NALF1: variants seen among roughly 807,000 people sequenced by gnomAD.
NALF1 encodes NALCN channel auxiliary factor 1.
NALF1 carries 3 observed loss-of-function variants against 48.4 expected under a neutral mutation model. That is an observed-to-expected ratio of 0.06 (90% CI 0.03 to 0.16). The LOEUF is 0.16. Ranked by LOEUF, NALF1 falls within the 10% of genes least tolerant of loss-of-function variation. NALF1 has a pLI of 1.00. For synonymous variants in NALF1, 262 were observed against 245.7 expected, an observed-to-expected ratio of 1.07 and a Z score of -0.62; for missense variants, 526 against 571.5, an observed-to-expected ratio of 0.92 and a Z score of 0.81.
At position 107,852,587 on chromosome 13, in the gene NALF1, C is replaced by T. The variant is rs531111054; in HGVS notation, c.915+13095G>A. ...TTGCACAAAGTCACTGTGATCATTT[C>T]GAGGAAATGCATGTGGTCTTTTCAG... On this transcript the variant is annotated intron_variant, in intron 1 of 2. Coordinates refer to ENST00000375915, the MANE Select transcript of NALF1 (RefSeq NM_001080396.3). 7.9e-5 allele frequency among the ~76,000 whole-genome samples: 12 copies of T among 152,212 alleles called. No homozygotes were observed. The South Asian group carries it at 2.3e-3, about 29-fold the overall frequency.
chr13:107,618,457 T>C (rs1047271244), intron 1 of NALF1, among the ~76,000 whole-genome samples: 2 of 152,202 alleles, frequency 1.3e-5, no homozygotes, highest in African/African-American at 4.8e-5. Flanking sequence ...AATAGAAGAC[T>C]TATCCTAATT....
At chr13:107,843,591 C>T (rs940848008) in intron 1 of NALF1, among the ~76,000 whole-genome samples, 4 of 152,080 alleles carry the variant, frequency 2.6e-5, no homozygotes, top group African/African-American at 7.2e-5. Context: ...AAGTGCTTCC[C>T]CTGGTAAAAG....
chr13:107,805,006 TTAAA>T (rs1878731736), intron 1 of NALF1, among the ~76,000 whole-genome samples: 1 of 152,130 alleles, frequency 6.6e-6, no homozygotes, highest in African/African-American at 2.4e-5. Flanking sequence ...GCATCATAAT[TTAAA>T]TACCATAAAT....
At chr13:107,644,408 C>T (rs1291414663) in intron 1 of NALF1, among the ~76,000 whole-genome samples, 5 of 149,576 alleles carry the variant, frequency 3.3e-5, no homozygotes, top group Admixed American at 6.7e-5. Context: ...TTTACAGACA[C>T]GGAAACTCAG....
chr13:107,796,280 C>A (rs1878422438), intron 1 of NALF1, among the ~76,000 whole-genome samples: 1 of 152,120 alleles, frequency 6.6e-6, no homozygotes, highest in African/African-American at 2.4e-5. Context: ...TTGTTCACAT[C>A]AAATAACATC....
At chr13:107,182,185 C>G (rs1311580987) in intron 2 of NALF1, among the ~76,000 whole-genome samples, 3 of 151,316 alleles carry the variant, frequency 2.0e-5, no homozygotes, top group Admixed American at 6.6e-5. Flanking sequence ...CTTTTGTTTT[C>G]TGTCATTTGC....
At chr13:107,275,248 T>A (rs955924054) in intron 1 of NALF1, among the ~76,000 whole-genome samples, 1 of 152,152 alleles carries the variant, frequency 6.6e-6, no homozygotes, top group Non-Finnish European at 1.5e-5. Flanking sequence ...GTATCTATAT[T>A]TTTTTATTTT....
At chr13:107,443,720 A>G (rs1884603131) in intron 1 of NALF1, among the ~76,000 whole-genome samples, 1 of 152,182 alleles carries the variant, frequency 6.6e-6, no homozygotes. Context: ...TGATTAAACC[A>G]TGACAGTATG....
In NALF1 at chr13:107,843,247, A is replaced by C. The variant is rs576661956; in HGVS notation, c.915+22435T>G. The stretch of plus-strand genomic sequence containing the variant: ...TCTATACAACAATGCCAAGAGGTAG[A>C]TGCTATTATTGTCATAACAGAATGA... On this transcript the variant is annotated intron_variant, in intron 1 of 2. Transcript: ENST00000375915. 3.9e-5 allele frequency among the ~76,000 whole-genome samples: 6 copies of C among 152,340 alleles called. No homozygotes were observed. The South Asian group carries it at 8.3e-4, about 21-fold the overall frequency.
intron 1 of NALF1, among the ~76,000 whole-genome samples, chr13:107,394,389 C>A (rs1354803441): frequency 1.3e-5 from 2 of 152,134 alleles, no homozygotes; most frequent in Non-Finnish European, 2.9e-5. Flanking sequence ...AAACTCTCTT[C>A]TAAATGTATA....
intron 2 of NALF1, among the ~76,000 whole-genome samples, chr13:107,182,228 G>C (rs1879078659): frequency 1.9e-5 from 2 of 103,404 alleles, no homozygotes; most frequent in South Asian, 6.1e-4. Flanking sequence ...TATTTATGCT[G>C]TGTGTGTGTG....
intron 1 of NALF1, among the ~76,000 whole-genome samples, chr13:107,624,826 G>A (rs1369263882): frequency 1.3e-5 from 2 of 152,164 alleles, no homozygotes; most frequent in African/African-American, 4.8e-5. Context: ...TAATAAAGGA[G>A]GGGGGTGCAG....
intron 1 of NALF1, among the ~76,000 whole-genome samples, chr13:107,798,020 A>C (rs1878485862): frequency 6.6e-6 from 1 of 152,202 alleles, no homozygotes; most frequent in South Asian, 2.1e-4. Context: ...TGGAATAAGC[A>C]GATTGTATTC....
chr13:107,293,122 A>G (rs1350408827), intron 1 of NALF1, among the ~76,000 whole-genome samples: 2 of 150,660 alleles, frequency 1.3e-5, no homozygotes, highest in African/African-American at 4.9e-5. Context: ...CTGGGACTAC[A>G]GGCACCCACC....
chr13:107,263,944 C>T (rs527604143), intron 1 of NALF1, among the ~76,000 whole-genome samples: 1 of 152,278 alleles, frequency 6.6e-6, no homozygotes, highest in East Asian at 1.9e-4. Flanking sequence ...ATAGCTGATG[C>T]CAATCTTTTG....
rs553735011 is a variant in NALF1, at chr13:107,718,456, G to A, written c.915+147226C>T. On this transcript the variant is annotated intron_variant, in intron 1 of 2. Transcript: ENST00000375915. Reference sequence around the variant, plus strand: ...CTACCACACCTATGATTATCCTAGCGAACTGTGTCCTCAGATATTTTTCCT... The same window carrying A: ...CTACCACACCTATGATTATCCTAGCAAACTGTGTCCTCAGATATTTTTCCT... Among the ~76,000 whole-genome samples the A allele has an allele frequency of 9.2e-5, 14 of 152,250 alleles. No homozygotes were observed. The East Asian group carries it at 1.2e-3, about 13-fold the overall frequency.
At chr13:107,764,588 T>C (rs1262329434) in intron 1 of NALF1, among the ~76,000 whole-genome samples, 1 of 152,208 alleles carries the variant, frequency 6.6e-6, no homozygotes, top group African/African-American at 2.4e-5. Flanking sequence ...GAATACTGAA[T>C]ATATCTGACT....
intron 1 of NALF1, among the ~76,000 whole-genome samples, chr13:107,352,896 A>T (rs1296413910): frequency 6.6e-6 from 1 of 152,170 alleles, no homozygotes; most frequent in African/African-American, 2.4e-5. Context: ...CTTCCCTAGG[A>T]ATCTCGTCAC....
chr13:107,624,621 G>A (rs1879615877), intron 1 of NALF1, among the ~76,000 whole-genome samples: 1 of 152,122 alleles, frequency 6.6e-6, no homozygotes, highest in South Asian at 2.1e-4. Flanking sequence ...GTTTATAGAA[G>A]GATGCTTGGG....
Sources: gnomAD v4.1 joint callset for allele counts (sites outside exome capture counted in the v4.1 genomes callset) on GRCh38, gnomAD v4.1.1 for gene constraint, MANE v1.5 for transcripts, NCBI Gene and HGNC (gene_info 2026-07-23, HGNC 2026-07-21) for gene names.